The following SYNE2 variants were observed in gnomAD, a reference collection of about 807,000 sequenced individuals.
The protein encoded by SYNE2 is nesprin-2.
Under a neutral mutation model 856.3 loss-of-function variants are expected in SYNE2, and 431 were observed. That is an observed-to-expected ratio of 0.50 (90% CI 0.47 to 0.55). The LOEUF (loss-of-function observed/expected upper bound fraction) is 0.55, where lower values mean the gene tolerates loss of function less well. Ranked by LOEUF, SYNE2 falls within the 20% of genes least tolerant of loss-of-function variation. The pLI is 0.00. For synonymous variants in SYNE2, 2,923 were observed against 2,872.3 expected (o/e 1.02, Z -0.56); for missense variants, 8,129 against 8,023.2 (o/e 1.01, Z -0.50).
At chr14:63,812,525 A>G (rs983460585) in intron 1 of SYNE2, among the ~76,000 whole-genome samples, 2 of 152,240 alleles carry the variant, frequency 1.3e-5, no homozygotes, top group African/African-American at 4.8e-5. Flanking sequence ...GGATTAAGAG[A>G]TTAAAGACAG....
chr14:63,816,972 C>G (rs546256862), intron 1 of SYNE2, among the ~76,000 whole-genome samples: 1 of 152,290 alleles, frequency 6.6e-6, no homozygotes, highest in East Asian at 1.9e-4. Flanking sequence ...GCCTTGAACT[C>G]CTGACCTCAA....
At position 63,948,722 on chromosome 14, in the gene SYNE2, G is replaced by A. The variant is rs1193735774; in HGVS notation, c.409-1103G>A. ...TATATATATGTATATATATATGTGT[G>A]TATATATATGTGTATAGATATGTGT... On this transcript the variant is annotated intron_variant, in intron 6 of 115. Coordinates refer to ENST00000555002, the MANE Select transcript of SYNE2 (RefSeq NM_182914.3). Among the ~76,000 whole-genome samples, 26 of 101,516 alleles carry A rather than the reference G, an allele frequency of 2.6e-4. 1 individual carries two copies. The highest frequency in any genetic ancestry group is 9.3e-4 in the South Asian group (3 of 3,222). 66.6% of individuals were successfully genotyped at this position (101,516 alleles called of 152,430 possible).
intron 50 of SYNE2, among the ~76,000 whole-genome samples, chr14:64,064,273 G>A (rs539804251): frequency 2.6e-4 from 39 of 152,286 alleles, no homozygotes; most frequent in South Asian, 8.3e-4. Context: ...CAAATGACGC[G>A]TAGGTGGGGA....
At position 64,053,522 on chromosome 14, in the gene SYNE2, G is replaced by A. The variant is rs767185752; in HGVS notation, c.9609G>A (p.Met3203Ile). 10 of 1,614,120 alleles carry A rather than the reference G, an allele frequency of 6.2e-6. No homozygotes were observed. The highest frequency in any genetic ancestry group is 3.3e-4 in the Middle Eastern group (2 of 6,084). The change falls in exon 48 of 116, where the codon ATG becomes ATA. Residue 3203 changes from methionine (M) to isoleucine (I), a missense_variant. Met to Ile is a conservative substitution (Grantham distance 10). Transcript: ENST00000555002. ...EAFQEQVWAE[M>I]CSIKAVTAIE... ...TTCAGGAGCAAGTTTGGGCAGAAAT[G>A]TGTAGTATTAAAGCTGTGACTGCTA...
chr14:64,040,333 G>A (rs547522290), intron 45 of SYNE2, among the ~76,000 whole-genome samples: 16 of 152,006 alleles, frequency 1.1e-4, no homozygotes, highest in African/African-American at 3.6e-4. Flanking sequence ...TGTTTAAAAT[G>A]ATTAGTAATT....
intron 1 of SYNE2, among the ~76,000 whole-genome samples, chr14:63,891,699 G>A (rs1018652493): frequency 2.0e-5 from 3 of 152,054 alleles, no homozygotes; most frequent in East Asian, 1.9e-4. Flanking sequence ...ATTCGGGGCT[G>A]TAGTGAGACT....
chr14:63,893,521 G>C (rs1280292681), intron 1 of SYNE2, among the ~76,000 whole-genome samples: 1 of 152,144 alleles, frequency 6.6e-6, no homozygotes, highest in Non-Finnish European at 1.5e-5. Flanking sequence ...GTAAGATCGT[G>C]CCACTGTACT....
chr14:64,130,973 C>T (rs777535470), intron 76 of SYNE2, among the ~76,000 whole-genome samples: 158 of 151,812 alleles, frequency 1.0e-3, no homozygotes, highest in Non-Finnish European at 5.1e-4. Context: ...TATAGTAAAT[C>T]CTTTGATTTT....
In SYNE2 at chr14:64,215,347, G is replaced by A. The variant is rs569345032; in HGVS notation, c.19395G>A (p.Ala6465=). ...AAATGACCACAAAAACTTTGAAAGC[G>A]TCTTCTGGTAGGCCCCCGCCCATGC... ...YLKMTTKTLK[A]SSGKSISDGH... The change falls in exon 107 of 116, where the codon GCG becomes GCA. Residue 6465 remains alanine, a synonymous_variant. Coordinates refer to ENST00000555002, the MANE Select transcript of SYNE2 (RefSeq NM_182914.3). The A allele has an allele frequency of 9.3e-6, 15 of 1,614,054 alleles. No homozygotes were observed. Among genetic ancestry groups the A allele is most frequent in the South Asian group, 4.4e-5 (4 of 91,084 alleles).
chr14:63,935,590 T>C (rs2095820738), intron 2 of SYNE2, among the ~76,000 whole-genome samples: 1 of 152,082 alleles, frequency 6.6e-6, no homozygotes, highest in Non-Finnish European at 1.5e-5. Flanking sequence ...ATTAATAAGG[T>C]AGAGAAAAGT....
chr14:63,997,208 T>C, intron 24 of SYNE2, 50 bp downstream of exon 24: 1 of 1,596,354 alleles, frequency 6.3e-7, no homozygotes, highest in South Asian at 1.1e-5. Flanking sequence ...CGAAGCCTTT[T>C]GCACGATCAA....
intron 57 of SYNE2, among the ~76,000 whole-genome samples, chr14:64,085,387 A>G (rs186716121): frequency 7.4e-4 from 113 of 152,334 alleles, no homozygotes; most frequent in African/African-American, 2.6e-3. Context: ...AAGGAAGCTG[A>G]TATAAGGGTA....
chr14:63,891,541 A>C (rs895007022), intron 1 of SYNE2, among the ~76,000 whole-genome samples: 11 of 151,706 alleles, frequency 7.3e-5, no homozygotes, highest in Middle Eastern at 6.8e-3. Flanking sequence ...TATACATGTA[A>C]ATTTCCTTTA....
Position 64,053,460 on chromosome 14 carries a change from A to C in SYNE2, c.9547A>C (p.Lys3183Gln), listed in dbSNP as rs1338486913. 4 of 1,613,624 alleles carry C rather than the reference A, an allele frequency of 2.5e-6. No individual in the cohort carries two copies. In the Admixed American group the frequency reaches 5.0e-5, roughly 20 times the overall value. Residue 3183 changes from lysine (K) to glutamine (Q), a missense_variant, in exon 48 of 116, where the codon AAA becomes CAA. Transcript: ENST00000555002. ...QQPLLINLEIKHIQNEKDNCE... is the reference protein window; with the variant it reads ...QQPLLINLEIQHIQNEKDNCE... ...GCCATTACTTATAAATTTGGAAATT[A>C]AACATATTCAAAATGAAAAGGACAA...
rs369246311 is a variant in SYNE2 at position 63,963,949 on chromosome 14, A to G, written c.939A>G (p.Leu313=). 5.0e-6 allele frequency: 8 copies of G among 1,613,014 alleles called. No homozygotes were observed. The highest frequency in any genetic ancestry group is 5.9e-6 in the Non-Finnish European group (7 of 1,179,234). The change falls in exon 10 of 116, where the codon CTA becomes CTG. Residue 313 remains leucine (L), a synonymous_variant. Coordinates refer to ENST00000555002, the MANE Select transcript of SYNE2 (RefSeq NM_182914.3). ...MGWLTLQKEK[L]QKLLKDSEND... ...GGTTAACTCTGCAAAAGGAAAAACT[A>G]CAGAAGTTGCTAAAGGATTCAGAGA...
chr14:63,859,115 C>A (rs925748143), intron 1 of SYNE2, among the ~76,000 whole-genome samples: 1 of 151,902 alleles, frequency 6.6e-6, no homozygotes, highest in African/African-American at 2.4e-5. Context: ...TTGTTCCCAG[C>A]CATCTACTGG....
In SYNE2 at chr14:64,027,669, C is replaced by G. The variant is rs1186855653; in HGVS notation, c.6590C>G (p.Ser2197Cys). ...CTCAAGAAAGCCCAAGATTTGACAT[C>G]CTTGCTAAAGGAGTTAAAATCTCAG... ...KFLKKAQDLT[S>C]LLKELKSQGN... The change falls in exon 43 of 116, where the codon TCC becomes TGC. Residue 2197 changes from serine to cysteine, a missense_variant. By Grantham distance (112) the Ser-to-Cys change is moderately radical. Transcript: ENST00000555002. 6.2e-7 allele frequency: 1 copy of G among 1,614,076 alleles called. No individual in the cohort carries two copies. The highest frequency in any genetic ancestry group is 8.5e-7 in the Non-Finnish European group (1 of 1,179,988).
At chr14:63,866,510 A>T (rs1249540148) in intron 1 of SYNE2, among the ~76,000 whole-genome samples, 1 of 152,116 alleles carries the variant, frequency 6.6e-6, no homozygotes, top group African/African-American at 2.4e-5. Context: ...TCTTTTTTTT[A>T]AAAAGCTTAT....
intron 95 of SYNE2, among the ~76,000 whole-genome samples, chr14:64,176,121 T>A (rs2098434618): frequency 6.6e-6 from 1 of 152,348 alleles, no homozygotes; most frequent in Admixed American, 6.5e-5. Context: ...TGTTTAGGTA[T>A]CAGCTGTACT....
Sources: gnomAD v4.1 joint callset for allele counts (sites outside exome capture counted in the v4.1 genomes callset) on GRCh38, gnomAD v4.1.1 for gene constraint, MANE v1.5 for transcripts, NCBI Gene and HGNC (gene_info 2026-07-23, HGNC 2026-07-21) for gene names.